The following SLF1 variants were observed in gnomAD, a reference collection of about 807,000 sequenced individuals.
The protein encoded by SLF1 is SMC5-SMC6 complex localization factor protein 1.
SLF1 carries 105 observed loss-of-function variants against 123.0 expected under a neutral mutation model. The observed-to-expected ratio is 0.85, with a 90% CI of 0.73 to 1.00. The LOEUF (loss-of-function observed/expected upper bound fraction) is 1.00, where lower values mean the gene tolerates loss of function less well. Ranked by LOEUF, SLF1 falls within the 50% of genes least tolerant of loss-of-function variation. The pLI, the probability that SLF1 is intolerant of heterozygous loss-of-function variation, is 0.00. For synonymous variants in SLF1, 434 were observed against 406.6 expected (o/e 1.07, Z -0.81); for missense variants, 1,239 against 1,223.0 (o/e 1.01, Z -0.20).
rs1320313714 is a variant in SLF1, at chr5:94,654,709, T to C, written c.1112T>C (p.Val371Ala). 1 of 1,544,010 alleles carries C rather than the reference T, an allele frequency of 6.5e-7. No individual in the cohort carries two copies. The highest frequency in any genetic ancestry group is 2.5e-5 in the East Asian group (1 of 40,526). ...AMAIKTDVDV[V>A]EIKNTLRKHI... is the part of the protein sequence containing the mutation. ...GCTATTAAGACAGATGTGGATGTTG[T>C]TGAAATAAAAAATACCTTAAGGAAG... The change falls in exon 9 of 21, where the codon GTT (valine) becomes GCT (alanine). Residue 371 changes from valine (V) to alanine (A), a missense_variant. Transcript: ENST00000265140.
At chr5:94,694,739 C>T in intron 20 of SLF1, 92 bp from the exon 21 acceptor site, 2 of 1,429,650 alleles carry the variant, frequency 1.4e-6, no homozygotes, top group Non-Finnish European at 1.9e-6. Flanking sequence ...GCAAAGAAAG[C>T]ACTGGATGCT....
intron 14 of SLF1, among the ~76,000 whole-genome samples, chr5:94,674,448 A>G (rs1282179025): frequency 6.6e-6 from 1 of 152,240 alleles, no homozygotes; most frequent in Non-Finnish European, 1.5e-5. Flanking sequence ...TTTATTTAAC[A>G]TTTGAATTGC....
intron 4 of SLF1, among the ~76,000 whole-genome samples, chr5:94,641,802 C>G (rs1230333854): frequency 1.3e-5 from 2 of 152,194 alleles, no homozygotes; most frequent in African/African-American, 4.8e-5. Flanking sequence ...TTGGGGCTTT[C>G]TCAGCATTTG....
At chr5:94,656,900 A>T in intron 9 of SLF1, among the ~76,000 whole-genome samples, 1 of 149,262 alleles carries the variant, frequency 6.7e-6, no homozygotes, top group Non-Finnish European at 1.5e-5. Context: ...TGGCTTATTG[A>T]TTTTGTTTAA....
intron 9 of SLF1, 59 bp from the exon 10 acceptor site, chr5:94,662,239 C>T: frequency 1.4e-6 from 2 of 1,432,080 alleles, no homozygotes; most frequent in Admixed American, 2.1e-5. Flanking sequence ...TTTGGGGAAG[C>T]TGAAATGTAT....
In SLF1 at chr5:94,695,480, A is replaced by G. The variant is rs1368711815; in HGVS notation, c.*168A>G. On this transcript the variant is annotated 3_prime_UTR_variant, in exon 21 of 21. Transcript: ENST00000265140. ...TTTAAAAAAACTTCTACAAAACTCT[A>G]GTATGGGCTTCTGACTTTTTCCAGG... 9 of 706,852 alleles carry G rather than the reference A, an allele frequency of 1.3e-5. No homozygotes were observed. In the Admixed American group the frequency reaches 2.6e-4, roughly 21 times the overall value. 43.8% of individuals were successfully genotyped at this position (706,852 alleles called of 1,614,324 possible). A position where few individuals can be genotyped will look rare whatever the true frequency, so the allele number is the denominator to read the frequency against.
chr5:94,692,701 G>A (rs1753169855), intron 20 of SLF1, among the ~76,000 whole-genome samples: 1 of 152,062 alleles, frequency 6.6e-6, no homozygotes, highest in African/African-American at 2.4e-5. Flanking sequence ...TTTCTGTACA[G>A]ACTGTAAAAA....
chr5:94,693,659 G>A (rs1245904962), intron 20 of SLF1, among the ~76,000 whole-genome samples: 2 of 151,718 alleles, frequency 1.3e-5, no homozygotes, highest in Non-Finnish European at 2.9e-5. Flanking sequence ...TCTATTCATT[G>A]TGAGTCACTC....
At chr5:94,648,873 G>C (rs1747369856) in intron 5 of SLF1, among the ~76,000 whole-genome samples, 1 of 152,208 alleles carries the variant, frequency 6.6e-6, no homozygotes, top group Non-Finnish European at 1.5e-5. Flanking sequence ...ATATGTATAA[G>C]TATGTATGCA....
chr5:94,666,649 T>G (rs1303610524), intron 12 of SLF1, among the ~76,000 whole-genome samples: 1 of 152,158 alleles, frequency 6.6e-6, no homozygotes, highest in African/African-American at 2.4e-5. Context: ...ATCTTTTCTT[T>G]TTTTGAGACA....
At chr5:94,661,587 T>G (rs1455242283) in intron 9 of SLF1, among the ~76,000 whole-genome samples, 3 of 151,144 alleles carry the variant, frequency 2.0e-5, no homozygotes. Context: ...CAGGCTGGAG[T>G]GCAGTGGTGC....
rs1279869904 is a variant in SLF1, at chr5:94,677,353, G to A, written c.1828-1455G>A. Among the ~76,000 whole-genome samples the A allele has an allele frequency of 2.6e-5, 4 of 152,094 alleles. No individual in the cohort carries two copies. The East Asian group carries it at 7.7e-4, about 29-fold the overall frequency. On this transcript the variant is annotated intron_variant, in intron 14 of 20. Transcript: ENST00000265140. ...ATGTGAAAAAATCACAAAACAGTTG[G>A]GTAAAAGGCATGTGAAAAGGTTTTA... is the stretch of plus-strand genomic sequence containing the variant.
chr5:94,658,043 C>A (rs1234771802), intron 9 of SLF1, among the ~76,000 whole-genome samples: 1 of 151,896 alleles, frequency 6.6e-6, no homozygotes, highest in African/African-American at 2.4e-5. Context: ...CATCTACATT[C>A]AAGGTTATTA....
At chr5:94,628,442 A>G (rs1744838541) in intron 1 of SLF1, among the ~76,000 whole-genome samples, 1 of 152,220 alleles carries the variant, frequency 6.6e-6, no homozygotes. Flanking sequence ...CAGCCCAACA[A>G]TACTTTTTAA....
At chr5:94,632,004 C>G (rs983445038) in intron 4 of SLF1, among the ~76,000 whole-genome samples, 7 of 148,888 alleles carry the variant, frequency 4.7e-5, no homozygotes, top group African/African-American at 1.7e-4. Context: ...TTAAATTAGC[C>G]AGGCTTGGTG....
At chr5:94,643,134 T>C (rs1468554176) in intron 4 of SLF1, 139 bp from the exon 5 acceptor site, 1 of 568,020 alleles carries the variant, frequency 1.8e-6, no homozygotes, top group African/African-American at 2.0e-5. Context: ...CCGTGTTCTC[T>C]GTGATCCTCA....
chr5:94,653,239 G>A, intron 7 of SLF1, 33 bp from the exon 8 acceptor site: 6 of 1,465,882 alleles, frequency 4.1e-6, no homozygotes, highest in Non-Finnish European at 5.5e-6. Context: ...TGTCATTGAT[G>A]TTGAGATTTA....
At chr5:94,630,457 T>A in intron 3 of SLF1, 46 bp from the exon 4 acceptor site, 1 of 1,516,664 alleles carries the variant, frequency 6.6e-7, no homozygotes, top group Non-Finnish European at 8.9e-7. Flanking sequence ...TTATCATTTA[T>A]CAGAACCAAA....
At chr5:94,635,622 A>G (rs1364613835) in intron 4 of SLF1, among the ~76,000 whole-genome samples, 1 of 151,794 alleles carries the variant, frequency 6.6e-6, no homozygotes, top group African/African-American at 2.4e-5. Flanking sequence ...TGTGGTTACC[A>G]TGTAGTTATA....
Sources: allele counts gnomAD v4.1 joint callset (sites outside exome capture counted in the v4.1 genomes callset), GRCh38; gene constraint gnomAD v4.1.1; transcripts MANE v1.5; gene names NCBI Gene and HGNC (gene_info 2026-07-23, HGNC 2026-07-21).